The following RHO variants were observed in gnomAD, a reference collection of about 807,000 sequenced individuals.
The protein encoded by RHO is opsin 2, rod pigment.
In RHO, 21 loss-of-function variants were observed where a neutral mutation model predicts 31.2. The ratio of observed to expected loss-of-function variants is 0.67; its 90% CI spans 0.48 to 0.97. The LOEUF is 0.97. RHO is among the 50% of genes least tolerant of loss of function. The pLI, the probability that RHO is intolerant of heterozygous loss-of-function variation, is 0.00. For synonymous variants in RHO, 211 were observed against 196.6 expected (o/e 1.07, Z -0.61); for missense variants, 414 against 479.5 (o/e 0.86, Z 1.28).
chr3:129,529,343 C>T (rs986948449), intron 1 of RHO, among the ~76,000 whole-genome samples: 1 of 152,268 alleles, frequency 6.6e-6, no homozygotes, highest in Non-Finnish European at 1.5e-5. Context: ...TCTAATTTCA[C>T]AGCAAGAAAA....
At chr3:129,530,464 A>G (rs1262644778) in intron 1 of RHO, among the ~76,000 whole-genome samples, 1 of 149,670 alleles carries the variant, frequency 6.7e-6, no homozygotes. Context: ...ATTCCTTCCC[A>G]ACAAGGAACT....
At chr3:129,531,077 G>A (rs749929388) in intron 2 of RHO, 33 bp downstream of exon 2, 10 of 1,607,728 alleles carry the variant, frequency 6.2e-6, no homozygotes, top group Admixed American at 5.0e-5. Flanking sequence ...AAGAAGCTCC[G>A]GGGGCTCTTT....
chr3:129,532,232 C>T lies in RHO; in HGVS notation c.531-19C>T. On this transcript the variant is annotated intron_variant, in intron 2 of 4. Coordinates refer to ENST00000296271, the MANE Select transcript of RHO (RefSeq NM_000539.3). The surrounding 1 kb of genome is among the most constrained non-coding windows in gnomAD (Gnocchi z 5.5). ...CCAAGTCCCTCACAGGCAGGGTCTCCCTACCTGCCTGTCCTCAGGTACATC... is the reference window on the plus strand; with the variant it reads ...CCAAGTCCCTCACAGGCAGGGTCTCTCTACCTGCCTGTCCTCAGGTACATC... The T allele has an allele frequency of 6.2e-7, 1 of 1,610,766 alleles. No individual in the cohort carries two copies. The highest frequency in any genetic ancestry group is 8.5e-7 in the Non-Finnish European group (1 of 1,177,024).
chr3:129,530,533 A>ACAACACAC (rs1553781099), intron 1 of RHO, among the ~76,000 whole-genome samples: 29 of 122,916 alleles, frequency 2.4e-4, no homozygotes, highest in African/African-American at 9.8e-4. Flanking sequence ...ACACACACAC[A>ACAACACAC]ACACACACAC....
rs776812466 is a variant in RHO at position 129,532,664 on chromosome 3, C to T, written c.828C>T (p.Phe276=). 4 of 1,614,128 alleles carry T rather than the reference C, an allele frequency of 2.5e-6. No individual in the cohort carries two copies. Among genetic ancestry groups the T allele is most frequent in the Non-Finnish European group, 2.5e-6 (3 of 1,180,042 alleles). ...ACGCCAGCGTGGCATTCTACATCTT[C>T]ACCCACCAGGGCTCCAACTTCGGTC... The part of the protein sequence containing the change: ...VPYASVAFYI[F]THQGSNFGPI... Residue 276 remains phenylalanine (F), a synonymous_variant, in exon 4 of 5, where the codon TTC becomes TTT. Coordinates refer to ENST00000296271, the MANE Select transcript of RHO (RefSeq NM_000539.3). The surrounding 1 kb of genome is among the most constrained non-coding windows in gnomAD (Gnocchi z 5.5).
In RHO at chr3:129,532,317, C is replaced by A; in HGVS notation, c.597C>A (p.Asn199Lys). ...IDYYTLKPEV[N>K]NESFVIYMFV... ...ACTACACGCTCAAGCCGGAGGTCAA[C>A]AACGAGTCTTTTGTCATCTACATGT... Residue 199 changes from asparagine to lysine, a missense_variant, in exon 3 of 5, where the codon AAC becomes AAA. Coordinates refer to ENST00000296271, the MANE Select transcript of RHO (RefSeq NM_000539.3). The surrounding 1 kb of genome is among the most constrained non-coding windows in gnomAD (Gnocchi z 5.5). The A allele has an allele frequency of 6.2e-7, 1 of 1,614,084 alleles. No homozygotes were observed. The highest frequency in any genetic ancestry group is 1.1e-5 in the South Asian group (1 of 91,076).
In RHO at chr3:129,528,805, C is replaced by T. The variant is rs768877243; in HGVS notation, c.72C>T (p.Phe24=). 8.1e-6 allele frequency: 13 copies of T among 1,614,108 alleles called. No individual in the cohort carries two copies. Among genetic ancestry groups the T allele is most frequent in the Admixed American group, 3.3e-5 (2 of 60,012 alleles). ...CGACGGGTGTGGTACGCAGCCCCTTCGAGTACCCACAGTACTACCTGGCTG... is the reference window on the plus strand; with the variant it reads ...CGACGGGTGTGGTACGCAGCCCCTTTGAGTACCCACAGTACTACCTGGCTG... The part of the protein sequence containing the change: ...SNATGVVRSP[F]EYPQYYLAEP... The change falls in exon 1 of 5, where the codon TTC becomes TTT. Residue 24 remains phenylalanine, a synonymous_variant. Coordinates refer to ENST00000296271, the MANE Select transcript of RHO (RefSeq NM_000539.3).
chr3:129,528,656 G>A lies in RHO; in HGVS notation c.-78G>A. ...CAGAACCCAGAGTCATCCAGCTGGA[G>A]CCCTGAGTGGCTGAGCTCAGGCCTT... On this transcript the variant is annotated 5_prime_UTR_variant, in exon 1 of 5. Coordinates refer to ENST00000296271, the MANE Select transcript of RHO (RefSeq NM_000539.3). The A allele has an allele frequency of 6.3e-7, 1 of 1,599,176 alleles. No homozygotes were observed. The highest frequency in any genetic ancestry group is 1.1e-5 in the South Asian group (1 of 89,428).
chr3:129,534,065 G>T lies in RHO; in HGVS notation c.*347G>T, dbSNP rs1450380650. 1.7e-5 allele frequency: 5 copies of T among 287,474 alleles called. No homozygotes were observed. Among genetic ancestry groups the T allele is most frequent in the Non-Finnish European group, 2.7e-5 (4 of 146,900 alleles). 17.8% of individuals were successfully genotyped at this position (287,474 alleles called of 1,614,324 possible). On this transcript the variant is annotated 3_prime_UTR_variant, in exon 5 of 5. Transcript: ENST00000296271. Reference sequence around the variant, plus strand: ...GGATAAGTGTCTAGCACAGAATGGGGCACACAGTAGGTGCTTAATAAATGC... The same window carrying T: ...GGATAAGTGTCTAGCACAGAATGGGTCACACAGTAGGTGCTTAATAAATGC...
chr3:129,534,026 G>A lies in RHO; in HGVS notation c.*308G>A, dbSNP rs1382991179. The A allele has an allele frequency of 2.7e-6, 1 of 365,734 alleles. No homozygotes were observed. Among genetic ancestry groups the A allele is most frequent in the African/African-American group, 2.1e-5 (1 of 48,204 alleles). 22.7% of individuals were successfully genotyped at this position (365,734 alleles called of 1,614,324 possible). A position where few individuals can be genotyped will look rare whatever the true frequency, so the allele number is the denominator to read the frequency against. On this transcript the variant is annotated 3_prime_UTR_variant, in exon 5 of 5. Transcript: ENST00000296271. ...ACGAGGATTCTTGCTTTCTGGAAAA[G>A]TGTCCCAGCTTAGGGATAAGTGTCT...
intron 1 of RHO, among the ~76,000 whole-genome samples, chr3:129,530,571 A>T (rs2084772339): frequency 8.9e-6 from 1 of 111,868 alleles, no homozygotes; most frequent in South Asian, 3.1e-4. Context: ...CACACACAAA[A>T]CTCCCTACCG....
In RHO at chr3:129,532,236, C is replaced by A. The variant is rs776890381; in HGVS notation, c.531-15C>A. 6.2e-7 allele frequency: 1 copy of A among 1,613,646 alleles called. No homozygotes were observed. Among genetic ancestry groups the A allele is most frequent in the Non-Finnish European group, 8.5e-7 (1 of 1,179,646 alleles). The stretch of plus-strand genomic sequence containing the variant: ...GTCCCTCACAGGCAGGGTCTCCCTA[C>A]CTGCCTGTCCTCAGGTACATCCCCG... On this transcript the variant is annotated splice_polypyrimidine_tract_variant and intron_variant, in intron 2 of 4. Coordinates refer to ENST00000296271, the MANE Select transcript of RHO (RefSeq NM_000539.3). The surrounding 1 kb of genome is among the most constrained non-coding windows in gnomAD (Gnocchi z 5.5).
At chr3:129,529,828 A>G (rs775005384) in intron 1 of RHO, among the ~76,000 whole-genome samples, 1 of 152,198 alleles carries the variant, frequency 6.6e-6, no homozygotes, top group Non-Finnish European at 1.5e-5. Flanking sequence ...ATCCCACTTA[A>G]CAGAGAGGAA....
chr3:129,531,033 CG>C lies in RHO; in HGVS notation c.521del (p.Gly174AlafsTer43). ...TGGCCTGCGCCGCACCCCCACTCGC[CG>C]GCTGGTCCAGGTAATGGCACTGAGC... is the stretch of plus-strand genomic sequence containing the variant. ...ALACAAPPLA[G>X]WSRYIPEGLQ... On this transcript the variant is annotated frameshift_variant, in exon 2 of 5. Transcript: ENST00000296271. LOFTEE classifies it high-confidence loss of function. 6.2e-7 allele frequency: 1 copy of C among 1,613,884 alleles called. No homozygotes were observed. The highest frequency in any genetic ancestry group is 8.5e-7 in the Non-Finnish European group (1 of 1,180,032).
intron 2 of RHO, among the ~76,000 whole-genome samples, chr3:129,531,609 A>G (rs2084780473): frequency 6.6e-6 from 1 of 152,120 alleles, no homozygotes; most frequent in Non-Finnish European, 1.5e-5. Context: ...CAGTCTTGCT[A>G]GGGTCCATTT....
rs1483633045 is a variant in RHO, at chr3:129,532,240, C to T, written c.531-11C>T. 5 of 1,613,560 alleles carry T rather than the reference C, an allele frequency of 3.1e-6. No individual in the cohort carries two copies. Among genetic ancestry groups the T allele is most frequent in the East Asian group, 2.2e-5 (1 of 44,880 alleles). ...CTCACAGGCAGGGTCTCCCTACCTG[C>T]CTGTCCTCAGGTACATCCCCGAGGG... On this transcript the variant is annotated splice_polypyrimidine_tract_variant and intron_variant, in intron 2 of 4. Coordinates refer to ENST00000296271, the MANE Select transcript of RHO (RefSeq NM_000539.3). The surrounding 1 kb of genome is among the most constrained non-coding windows in gnomAD (Gnocchi z 5.5).
rs200248198 is a variant in RHO at position 129,530,922 on chromosome 3, C to T, written c.408C>T (p.Tyr136=). ...TGGTGGTCCTGGCCATCGAGCGGTACGTGGTGGTGTGTAAGCCCATGAGCA... is the reference window on the plus strand; with the variant it reads ...TGGTGGTCCTGGCCATCGAGCGGTATGTGGTGGTGTGTAAGCCCATGAGCA... ...WSLVVLAIER[Y]VVVCKPMSNF... Residue 136 remains tyrosine, a synonymous_variant, in exon 2 of 5, where the codon TAC becomes TAT. Transcript: ENST00000296271. 92 of 1,614,122 alleles carry T rather than the reference C, an allele frequency of 5.7e-5. No homozygotes were observed. Among genetic ancestry groups the T allele is most frequent in the South Asian group, 1.2e-4 (11 of 91,090 alleles).
chr3:129,530,031 C>T (rs1472823133), intron 1 of RHO, among the ~76,000 whole-genome samples: 1 of 152,192 alleles, frequency 6.6e-6, no homozygotes, highest in Admixed American at 6.5e-5. Context: ...CCAGCCTTGC[C>T]CTGTCTCCCC....
rs869320618 is a variant in RHO, at chr3:129,530,996, G to A, written c.482G>A (p.Trp161Ter). 1.2e-6 allele frequency: 2 copies of A among 1,614,230 alleles called. No homozygotes were observed. The highest frequency in any genetic ancestry group is 1.1e-5 in the South Asian group (1 of 91,092). Residue 161 changes from tryptophan (W) to a stop codon, truncating the protein, a stop_gained, in exon 2 of 5, where the codon TGG (tryptophan) becomes TAG (stop). Transcript: ENST00000296271. LOFTEE classifies it high-confidence loss of function. ...NHAIMGVAFTWVMALACAAPP... is the reference protein window; with the variant it reads ...NHAIMGVAFT ...GCCATCATGGGCGTTGCCTTCACCT[G>A]GGTCATGGCGCTGGCCTGCGCCGCA... is the stretch of plus-strand genomic sequence containing the variant.
Sources: gnomAD v4.1 joint callset for allele counts (sites outside exome capture counted in the v4.1 genomes callset) on GRCh38, gnomAD v4.1.1 for gene constraint, Gnocchi (gnomAD v3.1) non-coding constraint, MANE v1.5 for transcripts, NCBI Gene and HGNC (gene_info 2026-07-23, HGNC 2026-07-21) for gene names.